The following EXOSC9 variants were observed in gnomAD, a reference collection of about 807,000 sequenced individuals.
EXOSC9 encodes exosome component 9.
EXOSC9 carries 38 observed loss-of-function variants against 56.5 expected under a neutral mutation model. That is an observed-to-expected ratio of 0.67 (90% CI 0.52 to 0.88). The LOEUF is 0.88. EXOSC9 is among the 40% of genes least tolerant of loss of function. The probability of loss-of-function intolerance (pLI) is 0.00; values close to 1 mark genes in which losing one functional copy is unlikely to be tolerated. For missense variants in EXOSC9, 559 were observed against 530.5 expected (o/e 1.05, Z -0.53); for synonymous variants, 170 against 170.8 (o/e 0.99, Z 0.04).
intron 11 of EXOSC9, 77 bp from the exon 12 acceptor site, chr4:121,816,684 CCTACTGGAAAA>C: frequency 7.6e-7 from 1 of 1,322,878 alleles, no homozygotes; most frequent in Non-Finnish European, 1.0e-6. Context: ...CATTTTAGAT[CCTACTGGAAAA>C]CTAAGAAATG....
rs751946584 is a variant in EXOSC9, at chr4:121,801,335, C to T, written c.-90C>T. ...GCGCCTTGATGACGTAATTTTCCTGCGCCTCGGGGCGAGCAGCGGCGCGCA... is the reference window on the plus strand; with the variant it reads ...GCGCCTTGATGACGTAATTTTCCTGTGCCTCGGGGCGAGCAGCGGCGCGCA... On this transcript the variant is annotated 5_prime_UTR_variant, in exon 1 of 12. Coordinates refer to ENST00000243498, the MANE Select transcript of EXOSC9 (RefSeq NM_005033.3). The T allele has an allele frequency of 1.2e-4, 149 of 1,279,066 alleles. No homozygotes were observed. Among genetic ancestry groups the T allele is most frequent in the Non-Finnish European group, 1.6e-4 (142 of 876,366 alleles). 79.2% of individuals were successfully genotyped at this position (1,279,066 alleles called of 1,614,324 possible).
chr4:121,811,048 G>A (rs1266003353), intron 7 of EXOSC9, among the ~76,000 whole-genome samples: 1 of 151,880 alleles, frequency 6.6e-6, no homozygotes, highest in East Asian at 1.9e-4. Context: ...AGCTTCTTTA[G>A]TTTGAATTCT....
At chr4:121,809,565 T>C (rs1282353686) in intron 6 of EXOSC9, among the ~76,000 whole-genome samples, 1 of 152,166 alleles carries the variant, frequency 6.6e-6, no homozygotes, top group Non-Finnish European at 1.5e-5. Context: ...CAGTATTTTT[T>C]TCATGAGCCA....
chr4:121,805,809 C>CTTT, intron 5 of EXOSC9, among the ~76,000 whole-genome samples: 1 of 79,126 alleles, frequency 1.3e-5, no homozygotes, highest in Non-Finnish European at 3.1e-5. Flanking sequence ...TTTTTTTTTT[C>CTTT]TTTTTTTTTT....
chr4:121,803,605 A>G (rs1248295103), intron 4 of EXOSC9, among the ~76,000 whole-genome samples: 2 of 152,022 alleles, frequency 1.3e-5, no homozygotes, highest in South Asian at 2.1e-4. Flanking sequence ...CAGTGGTGCA[A>G]TCTCAGCTCA....
chr4:121,816,024 C>T (rs1724485834), intron 10 of EXOSC9: 2 of 1,130,190 alleles, frequency 1.8e-6, no homozygotes, highest in Non-Finnish European at 2.3e-6. Context: ...GACTGGAGTG[C>T]AGTGGCACTG....
chr4:121,813,383 ATCTT>A lies in EXOSC9; in HGVS notation c.974+5_974+8del. 6.2e-7 allele frequency: 1 copy of A among 1,610,728 alleles called. No homozygotes were observed. ...GAAGCAGAACCTCCTTCAGAAGTGT[ATCTT>A]TATTTGGTGGTTTTTGCAGTAACAA... On this transcript the variant is annotated splice_donor_5th_base_variant and intron_variant, in intron 9 of 11. Coordinates refer to ENST00000243498, the MANE Select transcript of EXOSC9 (RefSeq NM_005033.3).
chr4:121,811,337 C>G (rs769481793), intron 7 of EXOSC9, among the ~76,000 whole-genome samples: 1 of 152,172 alleles, frequency 6.6e-6, no homozygotes, highest in Non-Finnish European at 1.5e-5. Flanking sequence ...TGTCTGTGGC[C>G]TCTTCTGTGG....
chr4:121,804,434 G>T, intron 4 of EXOSC9, 188 bp from the exon 5 acceptor site: 1 of 446,854 alleles, frequency 2.2e-6, no homozygotes, highest in Non-Finnish European at 4.0e-6. Context: ...GTTGTTAAAC[G>T]ACCCACATAG....
In EXOSC9 at chr4:121,816,600, T is replaced by G. The variant is rs1001616976; in HGVS notation, c.1235+153T>G. ...CCATCTGTTCTGTGATTTTTTTACC[T>G]TGTGATTTATAAAAATTAGGACCTA... On this transcript the variant is annotated intron_variant, in intron 11 of 11. Coordinates refer to ENST00000243498, the MANE Select transcript of EXOSC9 (RefSeq NM_005033.3). 6.4e-5 allele frequency: 53 copies of G among 824,838 alleles called. No homozygotes were observed. The African/African-American group carries it at 6.6e-4, about 10-fold the overall frequency. 51.1% of individuals were successfully genotyped at this position (824,838 alleles called of 1,614,324 possible). A position where few individuals can be genotyped will look rare whatever the true frequency, so the allele number is the denominator to read the frequency against.
chr4:121,813,419 T>G, intron 9 of EXOSC9, 39 bp downstream of exon 9: 2 of 1,575,624 alleles, frequency 1.3e-6, no homozygotes, highest in Non-Finnish European at 1.7e-6. Context: ...ACAAGATTCA[T>G]AACACTTGGC....
At chr4:121,812,660 T>G (rs1439614051) in intron 8 of EXOSC9, among the ~76,000 whole-genome samples, 2 of 152,070 alleles carry the variant, frequency 1.3e-5, no homozygotes, top group Non-Finnish European at 2.9e-5. Flanking sequence ...CCGGCTAATT[T>G]TTATATTTTT....
At chr4:121,802,644 G>T (rs1213354299) in intron 2 of EXOSC9, 30 bp from the exon 3 acceptor site, 1 of 1,608,390 alleles carries the variant, frequency 6.2e-7, no homozygotes, top group South Asian at 1.1e-5. Context: ...GAGTCTATTT[G>T]GTTAATACTT....
chr4:121,809,977 T>C lies in EXOSC9; in HGVS notation c.616T>C (p.Leu206=). The C allele has an allele frequency of 6.2e-7, 1 of 1,614,188 alleles. No homozygotes were observed. Among genetic ancestry groups the C allele is most frequent in the Non-Finnish European group, 8.5e-7 (1 of 1,180,000 alleles). ...TAACATTCATTTCAGAACATATTTA[T>C]TGGTGGATCCCAATGAACGAGAAGA... ...FAFFQQGTYL[L]VDPNEREERV... Residue 206 remains leucine, a synonymous_variant, in exon 7 of 12, where the codon TTG becomes CTG. Transcript: ENST00000243498.
chr4:121,802,811 T>C lies in EXOSC9; in HGVS notation c.281+18T>C. 1.2e-6 allele frequency: 2 copies of C among 1,613,340 alleles called. No individual in the cohort carries two copies. Among genetic ancestry groups the C allele is most frequent in the South Asian group, 1.1e-5 (1 of 90,966 alleles). ...CCTGGCAGGTATTTAAATCTTTTTC[T>C]TAAGTTGCTTTAGTCATAGGAGAAC... On this transcript the variant is annotated intron_variant, in intron 3 of 11. Transcript: ENST00000243498.
At chr4:121,809,060 C>G (rs185932145) in intron 6 of EXOSC9, among the ~76,000 whole-genome samples, 58 of 151,990 alleles carry the variant, frequency 3.8e-4, no homozygotes, top group African/African-American at 1.4e-3. Flanking sequence ...GTGATCATAG[C>G]TCACTGCAGC....
At chr4:121,815,839 T>C in intron 10 of EXOSC9, 1 of 1,080,076 alleles carries the variant, frequency 9.3e-7, no homozygotes, top group Non-Finnish European at 1.1e-6. Context: ...TTTTCTATTA[T>C]GACATGTACC....
chr4:121,804,356 G>T, intron 4 of EXOSC9: 1 of 245,124 alleles, frequency 4.1e-6, no homozygotes, highest in Non-Finnish European at 7.8e-6. Context: ...AATGTAATTA[G>T]ATTTGAGGTT....
chr4:121,814,044 C>A lies in EXOSC9; in HGVS notation c.1153C>A (p.Gln385Lys). The A allele has an allele frequency of 1.3e-6, 2 of 1,599,744 alleles. No homozygotes were observed. The highest frequency in any genetic ancestry group is 1.7e-6 in the Non-Finnish European group (2 of 1,174,856). Residue 385 changes from glutamine to lysine, a missense_variant, in exon 10 of 12, where the codon CAA (glutamine) becomes AAA (lysine). Coordinates refer to ENST00000243498, the MANE Select transcript of EXOSC9 (RefSeq NM_005033.3). ...TGVEVSDIGS[Q>K]DAPIILSDSE... The stretch of plus-strand genomic sequence containing the variant: ...AGTAGAAGTCTCTGATATTGGAAGC[C>A]AAGGTAGGTGACACTTTATGGCACA...
Sources: allele counts gnomAD v4.1 joint callset (sites outside exome capture counted in the v4.1 genomes callset), GRCh38; gene constraint gnomAD v4.1.1; transcripts MANE v1.5; gene names NCBI Gene and HGNC (gene_info 2026-07-23, HGNC 2026-07-21).